TINAG: variants seen among roughly 807,000 people sequenced by gnomAD.
TINAG encodes tubulointerstitial nephritis antigen.
TINAG carries 83 observed loss-of-function variants against 72.7 expected under a neutral mutation model. That is an observed-to-expected ratio of 1.14 (90% CI 0.96 to 1.37). TINAG has a LOEUF of 1.37. Ranked by LOEUF, TINAG falls within the 40% of genes most tolerant of loss-of-function variation. The pLI, the probability that TINAG is intolerant of heterozygous loss-of-function variation, is 0.00. For synonymous variants in TINAG, 234 were observed against 189.9 expected (o/e 1.23, Z -1.91); for missense variants, 685 against 576.6 (o/e 1.19, Z -1.93).
At chr6:54,365,670 A>G (rs1216653887) in intron 9 of TINAG, among the ~76,000 whole-genome samples, 1 of 151,638 alleles carries the variant, frequency 6.6e-6, no homozygotes, top group Non-Finnish European at 1.5e-5. Context: ...GGAAAATGAA[A>G]AGATTTGATG....
At chr6:54,310,765 CTCTT>C (rs1358183080) in intron 1 of TINAG, among the ~76,000 whole-genome samples, 1 of 138,924 alleles carries the variant, frequency 7.2e-6, no homozygotes, top group Non-Finnish European at 1.5e-5. Flanking sequence ...TTTTTTCTCT[CTCTT>C]TCTCTCCCTT....
intron 9 of TINAG, among the ~76,000 whole-genome samples, chr6:54,372,106 C>T (rs1763635656): frequency 6.7e-6 from 1 of 149,514 alleles, no homozygotes; most frequent in Non-Finnish European, 1.5e-5. Context: ...ATTCTCCTGC[C>T]TCAGCCTCCT....
At chr6:54,349,306 A>T (rs1284758580) in intron 6 of TINAG, among the ~76,000 whole-genome samples, 1 of 151,976 alleles carries the variant, frequency 6.6e-6, no homozygotes, top group African/African-American at 2.4e-5. Context: ...TTAATATCCC[A>T]TCTGGAAATA....
intron 9 of TINAG, among the ~76,000 whole-genome samples, chr6:54,362,274 T>C (rs1376091901): frequency 6.6e-6 from 1 of 151,612 alleles, no homozygotes; most frequent in Non-Finnish European, 1.5e-5. Context: ...GACTCTCTTT[T>C]TAGGGTCTAA....
At chr6:54,360,845 T>G (rs974623288) in intron 9 of TINAG, among the ~76,000 whole-genome samples, 2 of 85,358 alleles carry the variant, frequency 2.3e-5, no homozygotes, top group African/African-American at 4.6e-5. Flanking sequence ...TACTGTGTTT[T>G]TTTTTTTTTT....
At chr6:54,381,170 CT>C (rs150987371) in intron 10 of TINAG, among the ~76,000 whole-genome samples, 12,467 of 143,672 alleles carry the variant, frequency 0.087, 976 homozygotes, top group East Asian at 0.3. Flanking sequence ...TAGGTTAAGG[CT>C]TTTTTTTTTC....
At chr6:54,374,410 G>T (rs1763720810) in intron 9 of TINAG, among the ~76,000 whole-genome samples, 1 of 152,062 alleles carries the variant, frequency 6.6e-6, no homozygotes, top group South Asian at 2.1e-4. Flanking sequence ...TTAAGTGGTG[G>T]TAGGGAATGC....
At chr6:54,386,294 A>G (rs950554427) in intron 10 of TINAG, among the ~76,000 whole-genome samples, 2 of 152,190 alleles carry the variant, frequency 1.3e-5, no homozygotes, top group Admixed American at 6.6e-5. Context: ...GAAACAACAT[A>G]CATTTATTAT....
At chr6:54,373,488 T>A (rs1763691587) in intron 9 of TINAG, among the ~76,000 whole-genome samples, 1 of 152,148 alleles carries the variant, frequency 6.6e-6, no homozygotes, top group African/African-American at 2.4e-5. Flanking sequence ...TGTTATTATC[T>A]GCTTCTAAGA....
At chr6:54,320,726 T>C in intron 2 of TINAG, 84 bp downstream of exon 2, 2 of 1,110,846 alleles carry the variant, frequency 1.8e-6, no homozygotes, top group Non-Finnish European at 2.6e-6. Context: ...TGAACCAAAG[T>C]ATACATTTAT....
In TINAG at chr6:54,338,284, A is replaced by T. The variant is rs150776887; in HGVS notation, c.625-4942A>T. 8.2e-3 allele frequency among the ~76,000 whole-genome samples: 1,243 copies of T among 152,284 alleles called. 15 individuals are homozygous for T. The highest frequency in any genetic ancestry group is 0.014 in the Middle Eastern group (4 of 294). ...CAAATCTTCAAAAATAAATGTAAAA[A>T]TTTATTATTTTCTTCTCTATGAAGA... On this transcript the variant is annotated intron_variant, in intron 4 of 10. Coordinates refer to ENST00000259782, the MANE Select transcript of TINAG (RefSeq NM_014464.4).
chr6:54,382,500 AT>A (rs1384562881), intron 10 of TINAG, among the ~76,000 whole-genome samples: 30 of 152,258 alleles, frequency 2.0e-4, no homozygotes, highest in Admixed American at 1.6e-3. Context: ...TAGTGGTTTA[AT>A]TAAAATATGA....
At chr6:54,328,988 C>T (rs1246513062) in intron 4 of TINAG, among the ~76,000 whole-genome samples, 1 of 151,774 alleles carries the variant, frequency 6.6e-6, no homozygotes, top group Non-Finnish European at 1.5e-5. Flanking sequence ...AAGACCAAAC[C>T]CACCTTTGGT....
At position 54,343,319 on chromosome 6, in the gene TINAG, T is replaced by C; in HGVS notation, c.718T>C (p.Cys240Arg). 6.4e-7 allele frequency: 1 copy of C among 1,565,470 alleles called. No homozygotes were observed. Among genetic ancestry groups the C allele is most frequent in the South Asian group, 1.2e-5 (1 of 81,040 alleles). Residue 240 changes from cysteine to arginine, a missense_variant, in exon 5 of 11, where the codon TGT (cysteine) becomes CGT (arginine). Cys to Arg is a radical substitution (Grantham distance 180). Transcript: ENST00000259782. ...TCATGGCCCATTGGATCAAAAAAAT[T>C]GTGCTGCATCCTGGGCATTTTCCAC... ...WTHGPLDQKN[C>R]AASWAFSTAS...
At chr6:54,352,066 C>T (rs1203150278) in intron 8 of TINAG, among the ~76,000 whole-genome samples, 1 of 151,710 alleles carries the variant, frequency 6.6e-6, no homozygotes, top group East Asian at 1.9e-4. Context: ...TAAGGGTATA[C>T]TCACAGAATG....
chr6:54,381,047 C>CAT (rs1554210342), intron 10 of TINAG, among the ~76,000 whole-genome samples: 22 of 145,338 alleles, frequency 1.5e-4, no homozygotes, highest in African/African-American at 3.1e-4. Flanking sequence ...ATGTTAGTAT[C>CAT]ATATATATAT....
At chr6:54,334,480 A>T (rs1430968640) in intron 4 of TINAG, among the ~76,000 whole-genome samples, 2 of 152,204 alleles carry the variant, frequency 1.3e-5, no homozygotes, top group Non-Finnish European at 2.9e-5. Context: ...ATAATAACAG[A>T]TGTTTATGAA....
At chr6:54,368,280 T>C (rs908908615) in intron 9 of TINAG, among the ~76,000 whole-genome samples, 2 of 147,744 alleles carry the variant, frequency 1.4e-5, no homozygotes, top group Non-Finnish European at 3.0e-5. Context: ...ATATATAACA[T>C]ATTATATAAT....
At chr6:54,369,522 A>C (rs1327088320) in intron 9 of TINAG, among the ~76,000 whole-genome samples, 1 of 151,944 alleles carries the variant, frequency 6.6e-6, no homozygotes, top group Non-Finnish European at 1.5e-5. Context: ...CTAAAACATT[A>C]GAATCTTGTT....
Sources: gnomAD v4.1 joint callset for allele counts (sites outside exome capture counted in the v4.1 genomes callset) on GRCh38, gnomAD v4.1.1 for gene constraint, MANE v1.5 for transcripts, NCBI Gene and HGNC (gene_info 2026-07-23, HGNC 2026-07-21) for gene names.